Variants in STXBP5L observed in about 807,000 individuals in gnomAD.
STXBP5L encodes syntaxin-binding protein 5-like.
Under a neutral mutation model 144.5 loss-of-function variants are expected in STXBP5L, and 65 were observed. The ratio of observed to expected loss-of-function variants is 0.45; its 90% CI spans 0.37 to 0.55. The LOEUF (loss-of-function observed/expected upper bound fraction) is 0.55, where lower values mean the gene tolerates loss of function less well. Among genes scored for constraint, STXBP5L ranks in the 20% least tolerant of loss-of-function variants. The pLI is 0.00. For synonymous variants in STXBP5L, 505 were observed against 469.6 expected (o/e 1.08, Z -0.97); for missense variants, 1,298 against 1,405.5 (o/e 0.92, Z 1.22).
chr3:121,364,113 T>G (rs73183163), intron 20 of STXBP5L, among the ~76,000 whole-genome samples: 1 of 152,204 alleles, frequency 6.6e-6, no homozygotes, highest in South Asian at 2.1e-4. Context: ...TGTTACCAAA[T>G]GTAATGTCAT....
At chr3:121,170,016 C>T (rs1243472164) in intron 9 of STXBP5L, among the ~76,000 whole-genome samples, 2 of 151,394 alleles carry the variant, frequency 1.3e-5, no homozygotes, top group African/African-American at 4.9e-5. Context: ...ACAGTGCAAT[C>T]AAATTAGAAC....
At chr3:121,063,650 C>T (rs2041396532) in intron 5 of STXBP5L, among the ~76,000 whole-genome samples, 2 of 152,178 alleles carry the variant, frequency 1.3e-5, no homozygotes, top group Non-Finnish European at 2.9e-5. Flanking sequence ...GTATAAGCCC[C>T]AGACTGGGGC....
At chr3:120,977,131 T>C (rs1941139096) in intron 3 of STXBP5L, among the ~76,000 whole-genome samples, 1 of 152,214 alleles carries the variant, frequency 6.6e-6, no homozygotes, top group South Asian at 2.1e-4. Flanking sequence ...ATCTGTCTAA[T>C]GTTGACAGTG....
At chr3:121,377,662 T>C (rs960917991) in intron 20 of STXBP5L, among the ~76,000 whole-genome samples, 1 of 152,098 alleles carries the variant, frequency 6.6e-6, no homozygotes, top group East Asian at 1.9e-4. Context: ...CATTAAAAAG[T>C]CAGGAAACAA....
chr3:121,387,778 C>G (rs1246303021), intron 22 of STXBP5L, among the ~76,000 whole-genome samples: 2 of 152,158 alleles, frequency 1.3e-5, no homozygotes, highest in Non-Finnish European at 2.9e-5. Context: ...TGTTTTGGTA[C>G]CAGTACCATG....
At chr3:120,944,303 A>G (rs542013107) in intron 2 of STXBP5L, among the ~76,000 whole-genome samples, 1 of 151,818 alleles carries the variant, frequency 6.6e-6, no homozygotes, top group East Asian at 1.9e-4. Flanking sequence ...TCTGGGAAGT[A>G]GGAAATGGGA....
At chr3:121,313,627 C>G (rs2043651255) in intron 19 of STXBP5L, among the ~76,000 whole-genome samples, 1 of 103,334 alleles carries the variant, frequency 9.7e-6, no homozygotes, top group African/African-American at 3.9e-5. Context: ...CGCCTCCCTC[C>G]CGGACGGGGC....
chr3:121,048,708 CAG>C (rs1293853800), intron 5 of STXBP5L, among the ~76,000 whole-genome samples: 2 of 142,014 alleles, frequency 1.4e-5, no homozygotes, highest in South Asian at 4.8e-4. Flanking sequence ...TTTTTTAAGA[CAG>C]AGTCTTGCTC....
intron 10 of STXBP5L, among the ~76,000 whole-genome samples, chr3:121,206,955 A>T (rs2048359225): frequency 6.6e-6 from 1 of 152,254 alleles, no homozygotes; most frequent in South Asian, 2.1e-4. Context: ...CAAATTAAAT[A>T]ATCCTAGTTT....
At position 121,378,167 on chromosome 3, in the gene STXBP5L, C is replaced by T. The variant is rs558785749; in HGVS notation, c.2177-549C>T. ...GGGAACATCACACACCGAGGCCTGT[C>T]GGGGGGTGGGGGGAAAGGGGAGGGA... is the stretch of plus-strand genomic sequence containing the variant. On this transcript the variant is annotated intron_variant, in intron 20 of 26. Transcript: ENST00000471454. 6.1e-5 allele frequency among the ~76,000 whole-genome samples: 8 copies of T among 130,410 alleles called. No individual in the cohort carries two copies. In the East Asian group the frequency reaches 6.9e-4, roughly 11 times the overall value. 85.6% of individuals were successfully genotyped at this position (130,410 alleles called of 152,430 possible).
At chr3:121,036,635 G>T (rs1166392014) in intron 3 of STXBP5L, among the ~76,000 whole-genome samples, 1 of 152,060 alleles carries the variant, frequency 6.6e-6, no homozygotes, top group African/African-American at 2.4e-5. Flanking sequence ...AACTTAATCA[G>T]ATTGAGGAAG....
In STXBP5L at chr3:120,917,174, AAAAAC is replaced by A. The variant is rs1709143458; in HGVS notation, c.189+7416_189+7420del. Among the ~76,000 whole-genome samples the A allele has an allele frequency of 4.6e-5, 7 of 152,242 alleles. No homozygotes were observed. In the South Asian group the frequency reaches 1.4e-3, roughly 31 times the overall value. ...GCTTTGTGGAGTGGTCAAAGATAGT[AAAAAC>A]AAAACAAACTTCAAAACAACAAACA... On this transcript the variant is annotated intron_variant, in intron 2 of 26. Coordinates refer to ENST00000471454, the MANE Select transcript of STXBP5L (RefSeq NM_001308330.2).
intron 2 of STXBP5L, among the ~76,000 whole-genome samples, chr3:120,910,167 A>G (rs1314274036): frequency 6.6e-6 from 1 of 152,344 alleles, no homozygotes; most frequent in Non-Finnish European, 1.5e-5. Flanking sequence ...GATTAAGTAG[A>G]TAATAGGAAA....
chr3:121,349,395 G>A (rs2045168484), intron 20 of STXBP5L, among the ~76,000 whole-genome samples: 1 of 150,852 alleles, frequency 6.6e-6, no homozygotes. Flanking sequence ...GTCAATTTTG[G>A]AATAGGTGTG....
intron 2 of STXBP5L, among the ~76,000 whole-genome samples, chr3:120,943,620 CTATATT>C (rs1710684232): frequency 6.6e-6 from 1 of 151,556 alleles, no homozygotes; most frequent in South Asian, 2.1e-4. Context: ...TGTTTTGCAC[CTATATT>C]TATAAGTCTT....
intron 9 of STXBP5L, among the ~76,000 whole-genome samples, chr3:121,177,824 C>T (rs907332765): frequency 1.3e-5 from 2 of 152,312 alleles, no homozygotes; most frequent in South Asian, 4.1e-4. Flanking sequence ...TATGTGTATA[C>T]TCATATTCAT....
At chr3:121,097,088 C>G (rs1372474929) in intron 5 of STXBP5L, among the ~76,000 whole-genome samples, 1 of 152,240 alleles carries the variant, frequency 6.6e-6, no homozygotes, top group Non-Finnish European at 1.5e-5. Flanking sequence ...CCTTGCTCAG[C>G]TCTGCCCAGT....
At chr3:121,014,045 GC>G (rs1944968688) in intron 3 of STXBP5L, among the ~76,000 whole-genome samples, 1 of 151,948 alleles carries the variant, frequency 6.6e-6, no homozygotes, top group African/African-American at 2.4e-5. Context: ...CTGTAGCCTT[GC>G]CATATAGTTT....
At chr3:121,094,083 T>A (rs990580615) in intron 5 of STXBP5L, among the ~76,000 whole-genome samples, 4 of 152,196 alleles carry the variant, frequency 2.6e-5, no homozygotes, top group Non-Finnish European at 5.9e-5. Flanking sequence ...TGAGCGGTTT[T>A]GAGTGAGTGT....
Sources: allele counts gnomAD v4.1 joint callset (sites outside exome capture counted in the v4.1 genomes callset), GRCh38; gene constraint gnomAD v4.1.1; transcripts MANE v1.5; gene names NCBI Gene and HGNC (gene_info 2026-07-23, HGNC 2026-07-21).